Variants in PTPRD observed in about 807,000 individuals in gnomAD.
The protein encoded by PTPRD is receptor-type tyrosine-protein phosphatase delta.
In PTPRD, 34 loss-of-function variants were observed where a neutral mutation model predicts 214.5. That is an observed-to-expected ratio of 0.16 (90% CI 0.12 to 0.21). PTPRD has a LOEUF of 0.21. PTPRD is among the 10% of genes least tolerant of loss of function. The pLI is 1.00. For synonymous variants in PTPRD, 1,128 were observed against 845.7 expected, an observed-to-expected ratio of 1.33 and a Z score of -5.79; for missense variants, 2,545 against 2,398.7, an observed-to-expected ratio of 1.06 and a Z score of -1.27.
At chr9:9,278,781 A>C (rs1054391651) in intron 9 of PTPRD, among the ~76,000 whole-genome samples, 2 of 151,368 alleles carry the variant, frequency 1.3e-5, no homozygotes, top group Non-Finnish European at 3.0e-5. Context: ...TGTTATTGTG[A>C]GGATTAAATA....
At chr9:9,383,369 C>T (rs10977695) in intron 9 of PTPRD, among the ~76,000 whole-genome samples, 36,236 of 151,764 alleles carry the variant, frequency 0.24, 4,368 homozygotes, top group Middle Eastern at 0.37. Context: ...TGGCAGAAAG[C>T]ATACTATGGA....
chr9:9,683,218 G>C (rs986962996), intron 7 of PTPRD, among the ~76,000 whole-genome samples: 1 of 151,742 alleles, frequency 6.6e-6, no homozygotes, highest in Non-Finnish European at 1.5e-5. Flanking sequence ...TAAGTGACCT[G>C]TTGTTAATTA....
intron 9 of PTPRD, among the ~76,000 whole-genome samples, chr9:9,229,657 T>A (rs761705551): frequency 1.3e-5 from 2 of 151,916 alleles, no homozygotes; most frequent in African/African-American, 4.8e-5. Context: ...CTCCCCAAAA[T>A]CAAATAAGAC....
At chr9:10,066,580 C>T (rs73641840) in intron 3 of PTPRD, among the ~76,000 whole-genome samples, 5,729 of 151,806 alleles carry the variant, frequency 0.038, 276 homozygotes, top group African/African-American at 0.11. Context: ...AAAATCATGC[C>T]TCCATGGGGG....
At chr9:10,479,628 CATAAATAAATAA>C (rs879459258) in intron 2 of PTPRD, among the ~76,000 whole-genome samples, 9 of 101,716 alleles carry the variant, frequency 8.8e-5, no homozygotes, top group African/African-American at 2.9e-4. Flanking sequence ...AAAAAGAAAA[CATAAATAAATAA>C]ATAAATAAAT....
chr9:10,468,453 G>A (rs912452710), intron 2 of PTPRD, among the ~76,000 whole-genome samples: 2 of 152,118 alleles, frequency 1.3e-5, no homozygotes. Context: ...TGAACAATGA[G>A]AACACATGGA....
At chr9:9,827,188 C>T (rs1314952686) in intron 5 of PTPRD, among the ~76,000 whole-genome samples, 3 of 151,858 alleles carry the variant, frequency 2.0e-5, no homozygotes, top group African/African-American at 4.8e-5. Context: ...AAAAAGAGCC[C>T]ACATTGCCAA....
At chr9:9,578,229 C>T (rs906204223) in intron 7 of PTPRD, among the ~76,000 whole-genome samples, 12 of 151,924 alleles carry the variant, frequency 7.9e-5, no homozygotes, top group African/African-American at 2.9e-4. Flanking sequence ...AGACATTCTT[C>T]AGAGTTGTGT....
At chr9:8,611,199 A>T (rs2095432842) in intron 14 of PTPRD, among the ~76,000 whole-genome samples, 1 of 152,228 alleles carries the variant, frequency 6.6e-6, no homozygotes, top group African/African-American at 2.4e-5. Flanking sequence ...ATAACCAAAA[A>T]GCTGATTGTT....
chr9:9,849,101 C>T (rs2097869817), intron 5 of PTPRD, among the ~76,000 whole-genome samples: 1 of 151,714 alleles, frequency 6.6e-6, no homozygotes, highest in South Asian at 2.1e-4. Flanking sequence ...TACATAGACA[C>T]AGGGTGGTCA....
At position 9,318,202 on chromosome 9, in the gene PTPRD, C is replaced by T. The variant is rs946955457; in HGVS notation, c.-203+79247G>A. ...AGAAACAAAAAACAAAACAAACAAA[C>T]AAACAAAAACAAACAAAAAACCAAA... is the stretch of plus-strand genomic sequence containing the variant. On this transcript the variant is annotated intron_variant, in intron 9 of 45. Coordinates refer to ENST00000381196, the MANE Select transcript of PTPRD (RefSeq NM_002839.4). 5.1e-3 allele frequency among the ~76,000 whole-genome samples: 717 copies of T among 140,370 alleles called. 4 individuals carry two copies. Among genetic ancestry groups the T allele is most frequent in the African/African-American group, 0.018 (683 of 37,712 alleles). The allele number at this position is 140,370 out of a possible 152,430, so 92.1% of individuals were successfully genotyped here.
chr9:8,415,325 G>A (rs1206634944), intron 35 of PTPRD, among the ~76,000 whole-genome samples: 13 of 152,154 alleles, frequency 8.5e-5, no homozygotes, highest in Admixed American at 7.9e-4. Flanking sequence ...CATTGGAGAT[G>A]GAAGGAATGT....
chr9:9,863,132 T>C (rs1390845819), intron 5 of PTPRD, among the ~76,000 whole-genome samples: 1 of 152,154 alleles, frequency 6.6e-6, no homozygotes, highest in Non-Finnish European at 1.5e-5. Flanking sequence ...AATATGAAGA[T>C]AAATTTGACA....
At chr9:9,019,587 T>C (rs1019904371) in intron 10 of PTPRD, among the ~76,000 whole-genome samples, 1 of 152,184 alleles carries the variant, frequency 6.6e-6, no homozygotes, top group Non-Finnish European at 1.5e-5. Context: ...GCATCTGTAA[T>C]CCCAGCTACT....
intron 14 of PTPRD, among the ~76,000 whole-genome samples, chr9:8,618,092 G>T (rs142157320): frequency 2.0e-5 from 3 of 152,028 alleles, no homozygotes; most frequent in Non-Finnish European, 4.4e-5. Flanking sequence ...GCTGCTTTCC[G>T]CAGTCTTAAT....
intron 11 of PTPRD, among the ~76,000 whole-genome samples, chr9:8,798,952 A>G (rs1271456902): frequency 2.6e-5 from 4 of 152,166 alleles, no homozygotes; most frequent in Non-Finnish European, 5.9e-5. Flanking sequence ...GCCTGAATGC[A>G]TAAGCCCAGC....
At chr9:8,429,824 G>A (rs1301132757) in intron 35 of PTPRD, among the ~76,000 whole-genome samples, 1 of 152,170 alleles carries the variant, frequency 6.6e-6, no homozygotes, top group Non-Finnish European at 1.5e-5. Flanking sequence ...GCCTTCTTCA[G>A]GGAACACTTC....
intron 4 of PTPRD, among the ~76,000 whole-genome samples, chr9:9,976,446 G>C (rs2095354424): frequency 6.6e-6 from 1 of 151,666 alleles, no homozygotes; most frequent in Admixed American, 6.6e-5. Flanking sequence ...GATTGCAGTG[G>C]CATGATCTCG....
chr9:10,309,962 A>G (rs1190416142), intron 3 of PTPRD, among the ~76,000 whole-genome samples: 1 of 152,072 alleles, frequency 6.6e-6, no homozygotes, highest in Non-Finnish European at 1.5e-5. Flanking sequence ...CATGTCATAA[A>G]ACTTTTAATG....
Sources: gnomAD v4.1 joint callset for allele counts (sites outside exome capture counted in the v4.1 genomes callset) on GRCh38, gnomAD v4.1.1 for gene constraint, MANE v1.5 for transcripts, NCBI Gene and HGNC (gene_info 2026-07-23, HGNC 2026-07-21) for gene names.